RYR3: variants seen among roughly 807,000 people sequenced by gnomAD.
The protein encoded by RYR3 is ryanodine receptor 3, also known as brain ryanodine receptor-calcium release channel.
Under a neutral mutation model 584.3 loss-of-function variants are expected in RYR3, and 207 were observed. The ratio of observed to expected loss-of-function variants is 0.35; its 90% CI spans 0.32 to 0.40. RYR3 has a LOEUF of 0.40. Among genes scored for constraint, RYR3 ranks in the 10% least tolerant of loss-of-function variants. The probability of loss-of-function intolerance (pLI) is 1.00; values close to 1 mark genes in which losing one functional copy is unlikely to be tolerated. For missense variants in RYR3, 5,616 were observed against 6,089.2 expected (o/e 0.92, Z 2.59); for synonymous variants, 2,416 against 2,248.5 (o/e 1.07, Z -2.11).
intron 12 of RYR3, among the ~76,000 whole-genome samples, chr15:33,579,369 G>A (rs887048848): frequency 6.6e-6 from 1 of 152,184 alleles, no homozygotes; most frequent in African/African-American, 2.4e-5. Flanking sequence ...AGACGTGGAG[G>A]GGGGTGCAAG....
chr15:33,434,977 C>A (rs994618755), intron 1 of RYR3, among the ~76,000 whole-genome samples: 1 of 152,046 alleles, frequency 6.6e-6, no homozygotes, highest in Non-Finnish European at 1.5e-5. Context: ...ACCACCATGC[C>A]TGGCTAATTT....
intron 3 of RYR3, among the ~76,000 whole-genome samples, chr15:33,505,125 A>C (rs1375268189): frequency 6.6e-6 from 1 of 152,208 alleles, no homozygotes; most frequent in African/African-American, 2.4e-5. Context: ...CATAATACGG[A>C]CATGTCTCAT....
chr15:33,549,429 A>G (rs1389594257), intron 9 of RYR3, among the ~76,000 whole-genome samples: 1 of 152,250 alleles, frequency 6.6e-6, no homozygotes, highest in Non-Finnish European at 1.5e-5. Context: ...TAAACCTTAT[A>G]TTCTTAAGAG....
At chr15:33,356,137 A>G (rs966302351) in intron 1 of RYR3, among the ~76,000 whole-genome samples, 2 of 152,134 alleles carry the variant, frequency 1.3e-5, no homozygotes, top group African/African-American at 2.4e-5. Flanking sequence ...AAGGAGCAGC[A>G]TGGTTATTTG....
intron 16 of RYR3, among the ~76,000 whole-genome samples, chr15:33,592,883 C>T (rs1196307099): frequency 2.0e-5 from 3 of 152,154 alleles, no homozygotes; most frequent in Non-Finnish European, 2.9e-5. Context: ...GAAGTCCTGA[C>T]GACATGTGCT....
chr15:33,349,000 T>C (rs1208030715), intron 1 of RYR3, among the ~76,000 whole-genome samples: 1 of 151,810 alleles, frequency 6.6e-6, no homozygotes, highest in African/African-American at 2.4e-5. Context: ...CGAAAGGTCA[T>C]GTAATTGGAA....
intron 12 of RYR3, among the ~76,000 whole-genome samples, chr15:33,567,132 G>A (rs1245283520): frequency 2.0e-5 from 3 of 152,112 alleles, no homozygotes; most frequent in African/African-American, 7.2e-5. Context: ...GAGCAAAGAG[G>A]AACTGATACA....
intron 11 of RYR3, 61 bp downstream of exon 11, chr15:33,563,071 A>G: frequency 7.3e-7 from 1 of 1,361,216 alleles, no homozygotes; most frequent in Non-Finnish European, 1.0e-6. Context: ...ACTAGGCAAT[A>G]GAAGTGATTC....
chr15:33,759,041 G>A (rs2072160850), intron 60 of RYR3, among the ~76,000 whole-genome samples: 1 of 152,202 alleles, frequency 6.6e-6, no homozygotes, highest in South Asian at 2.1e-4. Context: ...CAGCAGACCT[G>A]CAGCAGAGGG....
chr15:33,822,940 C>T (rs2077186205), intron 80 of RYR3, 56 bp from the exon 81 acceptor site: 2 of 1,440,694 alleles, frequency 1.4e-6, no homozygotes, highest in Admixed American at 3.7e-5. Flanking sequence ...TTAGGAGGGT[C>T]AGCTCTGTGG....
At chr15:33,790,294 T>TTTTGTTTGTTTGTTTG (rs140040670) in intron 67 of RYR3, among the ~76,000 whole-genome samples, 1 of 150,178 alleles carries the variant, frequency 6.7e-6, no homozygotes, top group African/African-American at 2.5e-5. Flanking sequence ...TGCCCAGCCC[T>TTTTGTTTGTTTGTTTG]TTTGTTTGTT....
At chr15:33,503,864 G>A (rs1179903997) in intron 3 of RYR3, 126 bp downstream of exon 3, 1 of 634,994 alleles carries the variant, frequency 1.6e-6, no homozygotes, top group East Asian at 2.8e-5. Flanking sequence ...TATGGAGATA[G>A]TAAATCTTTC....
intron 31 of RYR3, 35 bp downstream of exon 31, chr15:33,649,270 G>C: frequency 6.3e-7 from 1 of 1,590,184 alleles, no homozygotes. Context: ...GTTAGCCATC[G>C]GGCTTCTCAG....
At chr15:33,451,829 G>A (rs375563742) in intron 1 of RYR3, among the ~76,000 whole-genome samples, 58 of 152,268 alleles carry the variant, frequency 3.8e-4, no homozygotes, top group African/African-American at 1.1e-3. Flanking sequence ...CTTTGACTTC[G>A]TCATTATTAA....
chr15:33,336,524 G>A (rs8028576), intron 1 of RYR3, among the ~76,000 whole-genome samples: 3,964 of 22,182 alleles, frequency 0.18, 1,475 homozygotes, highest in African/African-American at 0.49. Context: ...GAGGGAAGGA[G>A]GGAAGGAGGG....
chr15:33,430,351 A>G (rs563468101), intron 1 of RYR3, among the ~76,000 whole-genome samples: 5 of 152,340 alleles, frequency 3.3e-5, no homozygotes, highest in Admixed American at 6.5e-5. Flanking sequence ...CATCGAGGCT[A>G]TACATTGGTT....
chr15:33,836,046 C>G (rs1234267017), intron 87 of RYR3, among the ~76,000 whole-genome samples: 2 of 151,824 alleles, frequency 1.3e-5, no homozygotes, highest in African/African-American at 2.4e-5. Context: ...GTGATACACA[C>G]CATAGGTGAT....
intron 7 of RYR3, among the ~76,000 whole-genome samples, chr15:33,542,929 G>A (rs911957597): frequency 6.6e-6 from 1 of 152,150 alleles, no homozygotes; most frequent in Middle Eastern, 3.4e-3. Flanking sequence ...AAGACAAATG[G>A]GTCATCATGT....
In RYR3 at chr15:33,449,015, ACTC is replaced by A. The variant is rs570625682; in HGVS notation, c.52-24403_52-24401del. On this transcript the variant is annotated intron_variant, in intron 1 of 103. Transcript: ENST00000634891. ...AAGTAGTCCCGGAAAGAGTTTCACT[ACTC>A]AAAACTTGTGGCAGAGAGAGTAATT... 1.2e-3 allele frequency among the ~76,000 whole-genome samples: 176 copies of A among 152,266 alleles called. 2 individuals are homozygous for A. The highest frequency in any genetic ancestry group is 0.011 in the South Asian group (53 of 4,822).
Sources: allele counts gnomAD v4.1 joint callset (sites outside exome capture counted in the v4.1 genomes callset), GRCh38; gene constraint gnomAD v4.1.1; transcripts MANE v1.5; gene names NCBI Gene and HGNC (gene_info 2026-07-23, HGNC 2026-07-21).